SDCCAG8: variants seen among roughly 807,000 people sequenced by gnomAD.
SDCCAG8 encodes SHH signaling and ciliogenesis regulator SDCCAG8, also known as serologically defined colon cancer antigen 8.
Under a neutral mutation model 101.8 loss-of-function variants are expected in SDCCAG8, and 74 were observed. The ratio of observed to expected loss-of-function variants is 0.73; its 90% CI spans 0.60 to 0.88. The LOEUF (loss-of-function observed/expected upper bound fraction) is 0.88. Among genes scored for constraint, SDCCAG8 ranks in the 40% least tolerant of loss-of-function variants. The pLI is 0.00. For synonymous variants in SDCCAG8, 281 were observed against 292.9 expected (o/e 0.96, Z 0.41); for missense variants, 787 against 822.6 (o/e 0.96, Z 0.53).
intron 4 of SDCCAG8, among the ~76,000 whole-genome samples, chr1:243,282,050 C>CT (rs1251140892): frequency 6.6e-6 from 1 of 152,230 alleles, no homozygotes; most frequent in East Asian, 1.9e-4. Context: ...GTGACTCCAT[C>CT]TTGGCCCACT....
intron 16 of SDCCAG8, among the ~76,000 whole-genome samples, chr1:243,473,936 GGGGCC>G (rs1661794008): frequency 9.6e-6 from 1 of 104,368 alleles, no homozygotes; most frequent in African/African-American, 3.7e-5. Context: ...GGGGGGGGGG[GGGGCC>G]GGGGGAGTAC....
At chr1:243,308,394 A>G (rs961317446) in intron 8 of SDCCAG8, among the ~76,000 whole-genome samples, 1 of 152,230 alleles carries the variant, frequency 6.6e-6, no homozygotes, top group Non-Finnish European at 1.5e-5. Flanking sequence ...AAACCATGCC[A>G]CTTTGAACAG....
At position 243,336,987 on chromosome 1, in the gene SDCCAG8, AG is replaced by A. The variant is rs200256263; in HGVS notation, c.1222-4051del. 6.6e-4 allele frequency among the ~76,000 whole-genome samples: 101 copies of A among 152,162 alleles called. 1 individual carries two copies. In the East Asian group the frequency reaches 0.019, roughly 29 times the overall value. ...TTGATAGTTTCTTTTGCTGTGCAGA[AG>A]CTCTTTGGTGTAATTAGGTCCCACT... On this transcript the variant is annotated intron_variant, in intron 10 of 17. Transcript: ENST00000366541.
At chr1:243,274,767 A>G in intron 4 of SDCCAG8, 111 bp downstream of exon 4, 2 of 673,688 alleles carry the variant, frequency 3.0e-6, no homozygotes, top group Admixed American at 2.3e-5. Flanking sequence ...ATACATTGAC[A>G]ATTGCTATTC....
chr1:243,451,615 CT>C (rs2083361408), intron 16 of SDCCAG8, among the ~76,000 whole-genome samples: 1 of 152,172 alleles, frequency 6.6e-6, no homozygotes, highest in Non-Finnish European at 1.5e-5. Flanking sequence ...CATACAGACA[CT>C]TACGTATATA....
chr1:243,463,465 G>A (rs548443404), intron 16 of SDCCAG8, among the ~76,000 whole-genome samples: 12 of 152,184 alleles, frequency 7.9e-5, no homozygotes, highest in Non-Finnish European at 1.8e-4. Context: ...TCCCCAATAT[G>A]AGGACATGAT....
At chr1:243,323,743 T>G (rs1328885619) in intron 9 of SDCCAG8, among the ~76,000 whole-genome samples, 1 of 152,234 alleles carries the variant, frequency 6.6e-6, no homozygotes, top group Non-Finnish European at 1.5e-5. Flanking sequence ...AGTGCTCGCT[T>G]CATGATCACT....
chr1:243,477,567 G>A (rs1662684285), intron 16 of SDCCAG8, among the ~76,000 whole-genome samples: 1 of 152,240 alleles, frequency 6.6e-6, no homozygotes, highest in Non-Finnish European at 1.5e-5. Context: ...TTACAAGGTA[G>A]TGATTCAACA....
chr1:243,406,639 C>T (rs1195587077), intron 13 of SDCCAG8, among the ~76,000 whole-genome samples: 1 of 152,162 alleles, frequency 6.6e-6, no homozygotes, highest in Admixed American at 6.5e-5. Flanking sequence ...CTCCCTATTT[C>T]CCTCAGGACG....
At chr1:243,321,067 A>T (rs1226233265) in intron 9 of SDCCAG8, among the ~76,000 whole-genome samples, 1 of 152,020 alleles carries the variant, frequency 6.6e-6, no homozygotes, top group African/African-American at 2.4e-5. Context: ...ACATTGTAGG[A>T]TGTTTAGAAG....
intron 5 of SDCCAG8, 92 bp downstream of exon 5, chr1:243,286,489 C>A: frequency 7.1e-7 from 1 of 1,407,444 alleles, no homozygotes; most frequent in Non-Finnish European, 9.9e-7. Context: ...AGATTTTCTC[C>A]CTGAAGTGTG....
At chr1:243,319,483 C>T (rs935638058) in intron 9 of SDCCAG8, among the ~76,000 whole-genome samples, 4 of 152,140 alleles carry the variant, frequency 2.6e-5, no homozygotes, top group Non-Finnish European at 4.4e-5. Flanking sequence ...AAGTGATTCT[C>T]CCACCTCAGC....
At chr1:243,420,455 A>C (rs985310150) in intron 15 of SDCCAG8, among the ~76,000 whole-genome samples, 2 of 152,220 alleles carry the variant, frequency 1.3e-5, no homozygotes, top group African/African-American at 4.8e-5. Context: ...TGCCAGGGAA[A>C]GTCTGACTGT....
intron 13 of SDCCAG8, among the ~76,000 whole-genome samples, chr1:243,383,172 T>C (rs1015414726): frequency 4.6e-5 from 7 of 152,312 alleles, no homozygotes; most frequent in African/African-American, 1.7e-4. Context: ...TCTTCGAATA[T>C]ATAAGAAAAG....
intron 1 of SDCCAG8, 98 bp from the exon 2 acceptor site, chr1:243,270,007 A>C: frequency 6.5e-7 from 1 of 1,539,208 alleles, no homozygotes; most frequent in Non-Finnish European, 8.9e-7. Flanking sequence ...AAGTACGAGA[A>C]ATAATGATTT....
intron 5 of SDCCAG8, among the ~76,000 whole-genome samples, chr1:243,290,032 T>C (rs1219603719): frequency 6.6e-6 from 1 of 152,116 alleles, no homozygotes; most frequent in Non-Finnish European, 1.5e-5. Flanking sequence ...TATTTCCTCA[T>C]GGAAAGCTTT....
At position 243,484,205 on chromosome 1, in the gene SDCCAG8, G is replaced by C. The variant is rs374703313; in HGVS notation, c.1986-4809G>C. Reference sequence around the variant, plus strand: ...TGCAGGACGAAGTCCATATTTGCTGGTTTGGCTACAGAGTCCAGCGTCGCC... The same window carrying C: ...TGCAGGACGAAGTCCATATTTGCTGCTTTGGCTACAGAGTCCAGCGTCGCC... On this transcript the variant is annotated intron_variant, in intron 16 of 17. Transcript: ENST00000366541. Among the ~76,000 whole-genome samples the C allele has an allele frequency of 3.3e-3, 497 of 152,352 alleles. 3 individuals are homozygous for C. The highest frequency in any genetic ancestry group is 0.011 in the African/African-American group (451 of 41,586).
chr1:243,286,003 T>C (rs1421403862), intron 4 of SDCCAG8, among the ~76,000 whole-genome samples: 1 of 152,226 alleles, frequency 6.6e-6, no homozygotes, highest in African/African-American at 2.4e-5. Flanking sequence ...AGGCTTTTCT[T>C]TGAGCCTCGA....
chr1:243,399,501 ATTATTTATTTAT>A (rs746212694), intron 13 of SDCCAG8, among the ~76,000 whole-genome samples: 1 of 151,856 alleles, frequency 6.6e-6, no homozygotes, highest in Non-Finnish European at 1.5e-5. Flanking sequence ...TTTTTTAATT[ATTATTTATTTAT>A]TTATTTATTT....
Sources: allele counts gnomAD v4.1 joint callset (sites outside exome capture counted in the v4.1 genomes callset), GRCh38; gene constraint gnomAD v4.1.1; transcripts MANE v1.5; gene names NCBI Gene and HGNC (gene_info 2026-07-23, HGNC 2026-07-21).